TENM1: variants seen among roughly 807,000 people sequenced by gnomAD.
The protein encoded by TENM1 is teneurin transmembrane protein 1, also known as teneurin-1.
In TENM1, 35 loss-of-function variants were observed where a neutral mutation model predicts 174.8. That is an observed-to-expected ratio of 0.20 (90% confidence interval 0.15 to 0.27). The LOEUF (loss-of-function observed/expected upper bound fraction) is 0.27. Ranked by LOEUF, TENM1 falls within the 10% of genes least tolerant of loss-of-function variation. The pLI is 1.00. For missense variants in TENM1, 1,633 were observed against 2,130.1 expected (o/e 0.77, Z 4.59); for synonymous variants, 781 against 798.7 (o/e 0.98, Z 0.37).
intron 20 of TENM1, among the ~76,000 whole-genome samples, chrX:124,496,172 G>A (rs2047197338): frequency 9.0e-6 from 1 of 110,884 alleles, no homozygotes; most frequent in African/African-American, 3.3e-5. Context: ...GCCATATGTA[G>A]AAAGCTGAAA....
intron 18 of TENM1, among the ~76,000 whole-genome samples, chrX:124,505,081 G>C (rs2047417158): frequency 8.9e-6 from 1 of 112,016 alleles, no homozygotes; most frequent in Non-Finnish European, 1.9e-5. Flanking sequence ...TCATGGATAC[G>C]ACCCATGCTT....
At chrX:124,530,606 T>C (rs2048083538) in intron 15 of TENM1, among the ~76,000 whole-genome samples, 1 of 111,752 alleles carries the variant, frequency 8.9e-6, no homozygotes, top group Non-Finnish European at 1.9e-5. Context: ...CCTCCTGATA[T>C]ACACTGCTAA....
At chrX:124,982,566 A>G in the TENM1 span, among the ~76,000 whole-genome samples, 1 of 111,895 alleles carries the variant, frequency 8.9e-6, no homozygotes, top group African/African-American at 3.2e-5. Context: ...TTGCTGCTAC[A>G]AGAACCTTTG....
At chrX:124,818,040 T>G (rs1022909860) in intron 3 of TENM1, among the ~76,000 whole-genome samples, 2 of 110,645 alleles carry the variant, frequency 1.8e-5, no homozygotes, top group African/African-American at 6.6e-5. Context: ...GGGCTGTCAC[T>G]GATTTTTTTT....
intron 11 of TENM1, among the ~76,000 whole-genome samples, chrX:124,588,112 C>T (rs1005297206): frequency 1.8e-5 from 2 of 111,446 alleles, no homozygotes; most frequent in East Asian, 2.8e-4. Flanking sequence ...CTAGTTCAAC[C>T]ATTGTGGAAG....
chrX:125,023,233 A>G, the TENM1 span, among the ~76,000 whole-genome samples: 1 of 111,107 alleles, frequency 9.0e-6, no homozygotes, highest in Non-Finnish European at 1.9e-5. Context: ...GTGAATTCTC[A>G]TGAGATCTGA....
intron 3 of TENM1, among the ~76,000 whole-genome samples, chrX:124,885,045 T>C (rs112453225): frequency 0.038 from 4,206 of 111,589 alleles, 188 homozygotes; most frequent in African/African-American, 0.13. Flanking sequence ...TGCATCTAAA[T>C]ATATCTAAAT....
the TENM1 span, among the ~76,000 whole-genome samples, chrX:125,073,082 A>G: frequency 9.0e-6 from 1 of 111,601 alleles, no homozygotes; most frequent in Non-Finnish European, 1.9e-5. Context: ...ACAAAAGCAG[A>G]GGGCAGGAAA....
At chrX:124,960,769 T>C (rs1179267966) in intron 1 of TENM1, among the ~76,000 whole-genome samples, 1 of 112,166 alleles carries the variant, frequency 8.9e-6, no homozygotes, top group Non-Finnish European at 1.9e-5. Context: ...TAAATCACAA[T>C]TGTAAATTCA....
chrX:124,411,395 G>A (rs754265663), intron 25 of TENM1, among the ~76,000 whole-genome samples: 39 of 111,033 alleles, frequency 3.5e-4, no homozygotes, highest in Non-Finnish European at 4.7e-4. Context: ...AGGAGGCAAT[G>A]GTGTTGGGAA....
At chrX:124,645,182 T>C (rs2051126478) in exon 10 of TENM1, 2 of 1,211,645 alleles carry the variant, frequency 1.7e-6, no homozygotes, top group South Asian at 1.8e-5. Flanking sequence ...GGCACACAGA[T>C]GCAGACTCCC....
chrX:125,086,628 A>C, the TENM1 span, among the ~76,000 whole-genome samples: 1 of 111,081 alleles, frequency 9.0e-6, no homozygotes, highest in East Asian at 2.8e-4. Flanking sequence ...ATAATTTCTA[A>C]CTGGTTATTG....
intron 1 of TENM1, among the ~76,000 whole-genome samples, chrX:124,961,396 C>T (rs758585566): frequency 1.8e-5 from 2 of 111,671 alleles, no homozygotes; most frequent in South Asian, 7.6e-4. Context: ...AATCCCAGCA[C>T]TTTGGGAGGC....
chrX:124,785,226 C>G (rs1326953380), intron 3 of TENM1, among the ~76,000 whole-genome samples: 3 of 111,933 alleles, frequency 2.7e-5, no homozygotes, highest in East Asian at 5.6e-4. Flanking sequence ...ATTTTAGGAA[C>G]AGCCAGATGT....
intron 19 of TENM1, among the ~76,000 whole-genome samples, chrX:124,502,831 CAA>C (rs1020109594): frequency 8.9e-6 from 1 of 111,985 alleles, no homozygotes; most frequent in Non-Finnish European, 1.9e-5. Context: ...CTTTGCCATT[CAA>C]AGTTTCTCAG....
At chrX:124,426,156 C>T (rs2060714297) in intron 23 of TENM1, among the ~76,000 whole-genome samples, 1 of 110,445 alleles carries the variant, frequency 9.1e-6, no homozygotes, top group South Asian at 3.9e-4. Flanking sequence ...CAATGCCTAC[C>T]CTGACATCTC....
the TENM1 span, among the ~76,000 whole-genome samples, chrX:125,067,855 G>A: frequency 9.0e-6 from 1 of 111,563 alleles, no homozygotes; most frequent in Non-Finnish European, 1.9e-5. Context: ...CTTTTTTTGA[G>A]AGAATAAAAG....
At chrX:125,068,254 T>C in the TENM1 span, among the ~76,000 whole-genome samples, 2 of 111,247 alleles carry the variant, frequency 1.8e-5, no homozygotes, top group African/African-American at 6.5e-5. Flanking sequence ...CCTGGGGTCC[T>C]GCTCCATGAG....
At chrX:125,139,823 A>AAC in the TENM1 span, among the ~76,000 whole-genome samples, 1,495 of 78,424 alleles carry the variant, frequency 0.019, 57 homozygotes, top group African/African-American at 0.059. Context: ...AGCTGCCCTC[A>AAC]ACACACACAC....
Sources: allele counts gnomAD v4.1 joint callset (sites outside exome capture counted in the v4.1 genomes callset), GRCh38; gene constraint gnomAD v4.1.1; transcripts MANE v1.5; gene names NCBI Gene and HGNC (gene_info 2026-07-23, HGNC 2026-07-21).